The following RMDN2 variants were observed in gnomAD, a reference collection of about 807,000 sequenced individuals.
RMDN2 encodes the protein regulator of microtubule dynamics 2, also known as regulator of microtubule dynamics protein 2.
In RMDN2, 61 loss-of-function variants were observed where a neutral mutation model predicts 52.8. That is an observed-to-expected ratio of 1.16 (90% CI 0.94 to 1.43). RMDN2 has a LOEUF of 1.43. Among genes scored for constraint, RMDN2 ranks in the 40% most tolerant of loss-of-function variants. RMDN2 has a pLI of 0.00. For synonymous variants in RMDN2, 180 were observed against 153.1 expected (o/e 1.18, Z -1.30); for missense variants, 592 against 475.3 (o/e 1.25, Z -2.28).
intron 2 of RMDN2, among the ~76,000 whole-genome samples, chr2:37,961,411 T>TTG (rs1489273627): frequency 1.3e-5 from 2 of 152,126 alleles, no homozygotes; most frequent in African/African-American, 4.8e-5. Context: ...TTCTCTAATC[T>TTG]TGTCTTTACA....
chr2:38,031,228 G>A (rs978670558), intron 10 of RMDN2, among the ~76,000 whole-genome samples: 9 of 149,892 alleles, frequency 6.0e-5, no homozygotes, highest in African/African-American at 2.2e-4. Flanking sequence ...CTCCACAAGA[G>A]AGTTGCTCAT....
At chr2:38,032,939 CATT>C (rs1482820205) in intron 10 of RMDN2, 3 of 152,124 alleles carry the variant, frequency 2.0e-5, no homozygotes, top group African/African-American at 7.2e-5. Context: ...CCCAAAGTGG[CATT>C]GTTGTGTCAC....
At chr2:38,029,039 A>G (rs1267092788) in intron 10 of RMDN2, among the ~76,000 whole-genome samples, 1 of 152,134 alleles carries the variant, frequency 6.6e-6, no homozygotes, top group African/African-American at 2.4e-5. Context: ...CCATGCAAAT[A>G]AAGTCCTGTG....
At chr2:38,028,894 C>T (rs1047679433) in intron 10 of RMDN2, among the ~76,000 whole-genome samples, 5 of 152,086 alleles carry the variant, frequency 3.3e-5, no homozygotes, top group Non-Finnish European at 5.9e-5. Flanking sequence ...CCAGCTGATG[C>T]GGAGGTTGGA....
intron 10 of RMDN2, among the ~76,000 whole-genome samples, chr2:38,048,748 G>A (rs61224415): frequency 0.12 from 17,729 of 152,240 alleles, 1,648 homozygotes; most frequent in African/African-American, 0.25. Flanking sequence ...AGCAAGTCAT[G>A]GAAACATCTG....
Position 38,027,059 on chromosome 2 carries a change from A to G in RMDN2, c.1713+22843A>G, listed in dbSNP as rs112828543. On this transcript the variant is annotated intron_variant, in intron 10 of 10. Coordinates refer to the RMDN2 transcript ENST00000234195. ...TGTTCTGTGGCCCAGAATATGTTCT[A>G]TTTTGGTAAACATTCCATGTACACT... 1.3e-3 allele frequency: 192 copies of G among 152,232 alleles called. 1 individual carries two copies. Among genetic ancestry groups the G allele is most frequent in the African/African-American group, 4.5e-3 (186 of 41,540 alleles). 9.4% of individuals were successfully genotyped at this position (152,232 alleles called of 1,614,324 possible).
intron 10 of RMDN2, chr2:38,039,398 A>C (rs1330419103): frequency 6.6e-6 from 1 of 151,946 alleles, no homozygotes; most frequent in Non-Finnish European, 1.5e-5. Flanking sequence ...ACCCCCAGGC[A>C]CTCCATTTTC....
At chr2:37,986,683 A>G (rs1032043416) in intron 5 of RMDN2, among the ~76,000 whole-genome samples, 2 of 152,164 alleles carry the variant, frequency 1.3e-5, no homozygotes, top group Non-Finnish European at 2.9e-5. Flanking sequence ...AAAAAATTAC[A>G]TGATTATTTT....
intron 2 of RMDN2, among the ~76,000 whole-genome samples, chr2:37,941,730 T>C (rs1667804985): frequency 6.6e-6 from 1 of 152,148 alleles, no homozygotes; most frequent in Non-Finnish European, 1.5e-5. Flanking sequence ...TCAGTAATGG[T>C]GGATGCCCCT....
chr2:38,033,244 A>G (rs976853059), intron 10 of RMDN2: 1 of 152,226 alleles, frequency 6.6e-6, no homozygotes, highest in African/African-American at 2.4e-5. Context: ...AGTTACTAGT[A>G]GATTTTTACT....
intron 10 of RMDN2, among the ~76,000 whole-genome samples, chr2:38,063,259 C>T (rs936972430): frequency 6.6e-6 from 1 of 152,158 alleles, no homozygotes; most frequent in Non-Finnish European, 1.5e-5. Flanking sequence ...TCCTATTTCT[C>T]CACATCCTCT....
chr2:38,041,512 C>A (rs1680953347), intron 10 of RMDN2, among the ~76,000 whole-genome samples: 2 of 134,754 alleles, frequency 1.5e-5, no homozygotes, highest in Non-Finnish European at 3.1e-5. Context: ...GACATATATA[C>A]TTTGTTCCCA....
At chr2:38,066,848 C>G in intron 10 of RMDN2, 1 of 712,764 alleles carries the variant, frequency 1.4e-6, no homozygotes, top group South Asian at 1.7e-5. Flanking sequence ...TGTCATACAT[C>G]TGGAAAACTA....
At chr2:38,040,121 T>C (rs1416925400) in intron 10 of RMDN2, among the ~76,000 whole-genome samples, 1 of 150,486 alleles carries the variant, frequency 6.6e-6, no homozygotes, top group East Asian at 1.9e-4. Flanking sequence ...GTACTACTTG[T>C]TAAAAGACTA....
intron 10 of RMDN2, among the ~76,000 whole-genome samples, chr2:38,009,984 C>A (rs1558547681): frequency 6.6e-6 from 1 of 152,124 alleles, no homozygotes; most frequent in East Asian, 1.9e-4. Flanking sequence ...CACTCCAGAC[C>A]CTGTTTGCCT....
chr2:37,940,577 A>T (rs948069508), intron 2 of RMDN2, among the ~76,000 whole-genome samples: 2 of 151,910 alleles, frequency 1.3e-5, no homozygotes, highest in African/African-American at 4.8e-5. Flanking sequence ...GTCTTTGTTC[A>T]TTCCTTTTCA....
At chr2:38,016,475 A>C (rs1384521938) in intron 10 of RMDN2, among the ~76,000 whole-genome samples, 2 of 152,252 alleles carry the variant, frequency 1.3e-5, no homozygotes, top group Admixed American at 6.5e-5. Context: ...TTCAGTGACC[A>C]TTTATCCTTT....
chr2:37,999,779 A>C (rs762697000), intron 8 of RMDN2, among the ~76,000 whole-genome samples: 1 of 152,086 alleles, frequency 6.6e-6, no homozygotes, highest in African/African-American at 2.4e-5. Flanking sequence ...GAGCGTTCAC[A>C]GGGGCCAGGA....
chr2:38,020,127 G>A (rs527766966), downstream of RMDN2, among the ~76,000 whole-genome samples: 4 of 152,216 alleles, frequency 2.6e-5, no homozygotes, highest in South Asian at 2.1e-4. Context: ...CTGGATCCGC[G>A]GGTGAGGGGA....
Sources: allele counts gnomAD v4.1 joint callset (sites outside exome capture counted in the v4.1 genomes callset), GRCh38; gene constraint gnomAD v4.1.1; transcripts MANE v1.5; gene names NCBI Gene and HGNC (gene_info 2026-07-23, HGNC 2026-07-21).